The following ACTR3C variants were observed in gnomAD, a reference collection of about 807,000 sequenced individuals.
ACTR3C encodes actin-related protein 3C.
In ACTR3C, 18 loss-of-function variants were observed where a neutral mutation model predicts 26.3. The observed-to-expected ratio is 0.68, with a 90% confidence interval of 0.47 to 1.01. The LOEUF is 1.01. Ranked by LOEUF, ACTR3C falls within the 50% of genes least tolerant of loss-of-function variation. ACTR3C has a pLI of 0.00. For synonymous variants in ACTR3C, 55 were observed against 94.5 expected, an observed-to-expected ratio of 0.58 and a Z score of 2.42; for missense variants, 184 against 250.7, an observed-to-expected ratio of 0.73 and a Z score of 1.80.
At chr7:149,940,533 G>T in the ACTR3C span, among the ~76,000 whole-genome samples, 10 of 152,148 alleles carry the variant, frequency 6.6e-5, no homozygotes, top group African/African-American at 2.2e-4. Flanking sequence ...ATGTTTCCCT[G>T]GTCAGGGCTG....
the ACTR3C span, among the ~76,000 whole-genome samples, chr7:150,163,662 T>G: frequency 6.6e-6 from 1 of 151,834 alleles, no homozygotes; most frequent in Non-Finnish European, 1.5e-5. Context: ...AAGCCAGTGG[T>G]ATAATTCAGT....
chr7:150,064,246 T>C, the ACTR3C span, among the ~76,000 whole-genome samples: 1 of 146,696 alleles, frequency 6.8e-6, no homozygotes, highest in Non-Finnish European at 1.5e-5. Flanking sequence ...GCTCAGTTTC[T>C]TCCACTTTCT....
chr7:149,972,147 C>T, the ACTR3C span, among the ~76,000 whole-genome samples: 4 of 152,212 alleles, frequency 2.6e-5, no homozygotes. Flanking sequence ...TTCACCGGCC[C>T]TGCACACTTA....
the ACTR3C span, among the ~76,000 whole-genome samples, chr7:150,069,890 G>C: frequency 3.9e-5 from 6 of 152,100 alleles, no homozygotes; most frequent in East Asian, 1.9e-4. Flanking sequence ...AGGGACTTCT[G>C]CGGGGAAGGT....
the ACTR3C span, among the ~76,000 whole-genome samples, chr7:150,224,414 C>A: frequency 6.6e-6 from 1 of 152,224 alleles, no homozygotes; most frequent in Non-Finnish European, 1.5e-5. Context: ...GTGAAGGAGG[C>A]TCCTCTGGTG....
chr7:150,291,968 T>C (rs1262988642), intron 3 of ACTR3C, among the ~76,000 whole-genome samples: 2 of 150,988 alleles, frequency 1.3e-5, no homozygotes, highest in African/African-American at 2.5e-5. Context: ...CTGGCTTTTT[T>C]CTCCCTGACT....
the ACTR3C span, among the ~76,000 whole-genome samples, chr7:150,102,106 A>G: frequency 6.6e-6 from 1 of 151,848 alleles, no homozygotes; most frequent in East Asian, 1.9e-4. Context: ...TGCTTTCCTC[A>G]GAACCATGAC....
chr7:150,213,400 C>T, the ACTR3C span, among the ~76,000 whole-genome samples: 1 of 151,880 alleles, frequency 6.6e-6, no homozygotes, highest in Non-Finnish European at 1.5e-5. Flanking sequence ...GGGCTTCCTA[C>T]AGAAAGAGAA....
the ACTR3C span, among the ~76,000 whole-genome samples, chr7:149,894,053 C>A: frequency 0.017 from 2,637 of 152,286 alleles, 72 homozygotes; most frequent in African/African-American, 0.06. Context: ...CTACAGTAAT[C>A]AAAACAGCTT....
chr7:149,927,027 T>G, the ACTR3C span, among the ~76,000 whole-genome samples: 4 of 151,934 alleles, frequency 2.6e-5, no homozygotes, highest in African/African-American at 9.7e-5. Flanking sequence ...CACCATGCTC[T>G]AAGACTCTGC....
At chr7:150,062,646 G>A in the ACTR3C span, among the ~76,000 whole-genome samples, 3 of 147,142 alleles carry the variant, frequency 2.0e-5, no homozygotes, top group Non-Finnish European at 4.5e-5. Context: ...ATCATTATAT[G>A]TTTTATGTGT....
At chr7:150,053,141 C>T in the ACTR3C span, among the ~76,000 whole-genome samples, 1 of 148,162 alleles carries the variant, frequency 6.7e-6, no homozygotes. Flanking sequence ...TCCCAAGGCT[C>T]TTAGGTTTTT....
chr7:150,114,122 G>A, the ACTR3C span, among the ~76,000 whole-genome samples: 1,095 of 152,186 alleles, frequency 7.2e-3, 7 homozygotes, highest in Non-Finnish European at 0.013. Context: ...GTAACAAGAA[G>A]CACTTGTGGA....
the ACTR3C span, among the ~76,000 whole-genome samples, chr7:150,029,385 C>CTCAA: frequency 2.3e-5 from 3 of 130,116 alleles, no homozygotes; most frequent in African/African-American, 9.3e-5. Flanking sequence ...CATAGGAAGA[C>CTCAA]TCAATCTTTA....
chr7:149,952,988 T>G, the ACTR3C span, among the ~76,000 whole-genome samples: 1 of 152,122 alleles, frequency 6.6e-6, no homozygotes, highest in African/African-American at 2.4e-5. Context: ...AATTATTTAA[T>G]GAATGTACAA....
the ACTR3C span, among the ~76,000 whole-genome samples, chr7:150,018,119 C>T: frequency 0.042 from 6,357 of 150,206 alleles, 941 homozygotes; most frequent in African/African-American, 0.15. Context: ...CAGGCACTTT[C>T]GTTTTTGAGA....
the ACTR3C span, among the ~76,000 whole-genome samples, chr7:150,235,015 G>A: frequency 6.6e-6 from 1 of 152,126 alleles, no homozygotes; most frequent in East Asian, 1.9e-4. Context: ...CAGCATAACT[G>A]CAGACCACAT....
intron 1 of ACTR3C, among the ~76,000 whole-genome samples, chr7:150,310,745 C>T (rs1462802069): frequency 6.6e-6 from 1 of 152,176 alleles, no homozygotes; most frequent in African/African-American, 2.4e-5. Context: ...CTACTTTGGT[C>T]AGGCCCTCTC....
the ACTR3C span, among the ~76,000 whole-genome samples, chr7:150,200,864 T>C: frequency 2.0e-5 from 3 of 152,290 alleles, no homozygotes; most frequent in African/African-American, 7.2e-5. Context: ...CTTTAATCCA[T>C]GGATAAACCT....
Sources: gnomAD v4.1 joint callset for allele counts (sites outside exome capture counted in the v4.1 genomes callset) on GRCh38, gnomAD v4.1.1 for gene constraint, MANE v1.5 for transcripts, NCBI Gene and HGNC (gene_info 2026-07-23, HGNC 2026-07-21) for gene names.